TMEM108: variants seen among roughly 807,000 people sequenced by gnomAD.
TMEM108 encodes the protein transmembrane protein 108, also known as cancer/testis antigen 124.
A neutral mutation model predicts 35.1 loss-of-function variants in TMEM108; 12 were observed. The observed-to-expected ratio is 0.34, with a 90% confidence interval of 0.22 to 0.55. TMEM108 has a LOEUF of 0.55. Ranked by LOEUF, TMEM108 falls within the 20% of genes least tolerant of loss-of-function variation. The pLI, the probability that TMEM108 is intolerant of heterozygous loss-of-function variation, is 0.89. For missense variants in TMEM108, 680 were observed against 753.3 expected, an observed-to-expected ratio of 0.90 and a Z score of 1.14; for synonymous variants, 287 against 308.6, an observed-to-expected ratio of 0.93 and a Z score of 0.73.
At chr3:133,283,381 C>A (rs915404893) in intron 3 of TMEM108, among the ~76,000 whole-genome samples, 2 of 152,128 alleles carry the variant, frequency 1.3e-5, no homozygotes, top group African/African-American at 4.8e-5. Context: ...GGACAAGAAC[C>A]ATCTGAAAAC....
At chr3:133,095,502 T>C (rs1199556026) in intron 2 of TMEM108, among the ~76,000 whole-genome samples, 1 of 152,118 alleles carries the variant, frequency 6.6e-6, no homozygotes, top group Non-Finnish European at 1.5e-5. Context: ...TGTTACATTG[T>C]AATATATAAT....
At chr3:133,156,316 A>G (rs1206391884) in intron 2 of TMEM108, among the ~76,000 whole-genome samples, 2 of 152,308 alleles carry the variant, frequency 1.3e-5, no homozygotes, top group East Asian at 1.9e-4. Flanking sequence ...GTGACAATAT[A>G]TCTTCAGGAA....
rs116747354 is a variant in TMEM108, at chr3:133,397,039, G to A, written c.*1053G>A. 4,494 of 152,236 alleles carry A rather than the reference G, an allele frequency of 0.03. 80 individuals are homozygous for A. Among genetic ancestry groups the A allele is most frequent in the Middle Eastern group, 0.048 (14 of 294 alleles). 9.4% of individuals were successfully genotyped at this position (152,236 alleles called of 1,614,324 possible). A position where few individuals can be genotyped will look rare whatever the true frequency, so the allele number is the denominator to read the frequency against. On this transcript the variant is annotated 3_prime_UTR_variant, in exon 6 of 6. Coordinates refer to ENST00000321871, the MANE Select transcript of TMEM108 (RefSeq NM_023943.4). ...CCTACTTGGCACTGCAAACCTGCTC[G>A]CAGCACCAGCCGGTGGACTTGCCAT...
intron 3 of TMEM108, among the ~76,000 whole-genome samples, chr3:133,267,788 A>G (rs1161854056): frequency 6.6e-6 from 1 of 152,224 alleles, no homozygotes; most frequent in African/African-American, 2.4e-5. Context: ...GTTCTTTACC[A>G]TGTGTGTCTC....
In TMEM108 at chr3:133,396,018, T is replaced by G. The variant is rs2073302013; in HGVS notation, c.*32T>G. On this transcript the variant is annotated 3_prime_UTR_variant, in exon 6 of 6. Transcript: ENST00000321871. ...CAGGCATCACTTTGCCATTCCGTAT[T>G]TTTCGTCTCTAAATTATAAATATAC... The G allele has an allele frequency of 2.0e-6, 3 of 1,484,624 alleles. No homozygotes were observed. The highest frequency in any genetic ancestry group is 3.1e-5 in the South Asian group (2 of 65,398). 92.0% of individuals were successfully genotyped at this position (1,484,624 alleles called of 1,614,324 possible). A position where few individuals can be genotyped will look rare whatever the true frequency, so the allele number is the denominator to read the frequency against.
At position 133,352,768 on chromosome 3, in the gene TMEM108, T is replaced by G. The variant is rs1606508; in HGVS notation, c.41-26984T>G. Among the ~76,000 whole-genome samples the G allele has an allele frequency of 7.2e-3, 1,097 of 152,142 alleles. 15 individuals are homozygous for G. Among genetic ancestry groups the G allele is most frequent in the African/African-American group, 0.024 (1,015 of 41,486 alleles). On this transcript the variant is annotated intron_variant, in intron 3 of 5. Transcript: ENST00000321871. ...GGGCATCCCACCCTCCTAGCACTGT[T>G]ATGTGTTCAGCAATCCAGAGGCTCT...
chr3:133,110,909 G>A (rs73007406), intron 2 of TMEM108, among the ~76,000 whole-genome samples: 2,835 of 152,278 alleles, frequency 0.019, 99 homozygotes, highest in African/African-American at 0.064. Flanking sequence ...TAATGCTGCT[G>A]GTCCAGGGAC....
intron 2 of TMEM108, among the ~76,000 whole-genome samples, chr3:133,119,988 G>A (rs1207801163): frequency 1.3e-5 from 2 of 152,150 alleles, no homozygotes; most frequent in South Asian, 2.1e-4. Context: ...GAGAAGACCT[G>A]CCTGTAAGAA....
chr3:133,168,527 A>G (rs1403089982), intron 2 of TMEM108, among the ~76,000 whole-genome samples: 1 of 151,960 alleles, frequency 6.6e-6, no homozygotes, highest in East Asian at 1.9e-4. Flanking sequence ...CTGTCTAGCT[A>G]AAGGATTGTA....
Position 133,215,980 on chromosome 3 carries a change from G to A in TMEM108, c.-46-13286G>A, listed in dbSNP as rs953618793. Among the ~76,000 whole-genome samples the A allele has an allele frequency of 2.0e-4, 31 of 151,858 alleles. 1 individual carries two copies. Among genetic ancestry groups the A allele is most frequent in the African/African-American group, 7.3e-5 (3 of 41,316 alleles). On this transcript the variant is annotated intron_variant, in intron 2 of 5. Transcript: ENST00000321871. ...TTTTCATATATCATTGGGCCTACTC[G>A]TGTGCCAATATCAAATGCTTTATAG...
chr3:133,127,513 A>G (rs1365991521), intron 2 of TMEM108, among the ~76,000 whole-genome samples: 1 of 152,182 alleles, frequency 6.6e-6, no homozygotes, highest in Non-Finnish European at 1.5e-5. Flanking sequence ...CATTCAGGCT[A>G]TATTAGAACC....
At chr3:133,181,905 A>T (rs1945351396) in intron 2 of TMEM108, among the ~76,000 whole-genome samples, 1 of 152,224 alleles carries the variant, frequency 6.6e-6, no homozygotes, top group Admixed American at 6.5e-5. Context: ...TAGGCCCTGA[A>T]AATTTGAAGA....
intron 3 of TMEM108, among the ~76,000 whole-genome samples, chr3:133,267,355 C>T (rs141632635): frequency 1.3e-4 from 20 of 152,224 alleles, no homozygotes; most frequent in Admixed American, 4.6e-4. Context: ...GGCAGCCCAG[C>T]GGAGAGGCGT....
intron 3 of TMEM108, among the ~76,000 whole-genome samples, chr3:133,375,539 A>T (rs1414539210): frequency 4.6e-5 from 7 of 152,236 alleles, no homozygotes; most frequent in Non-Finnish European, 7.3e-5. Flanking sequence ...GGGAGTGTGT[A>T]GTCCAGCACA....
At chr3:133,302,756 A>T (rs1228283479) in intron 3 of TMEM108, among the ~76,000 whole-genome samples, 1 of 151,988 alleles carries the variant, frequency 6.6e-6, no homozygotes, top group Non-Finnish European at 1.5e-5. Context: ...TCTCAGTTTA[A>T]TATTACAGTA....
chr3:133,394,120 G>T (rs1489797156), intron 5 of TMEM108, among the ~76,000 whole-genome samples: 1 of 152,210 alleles, frequency 6.6e-6, no homozygotes, highest in East Asian at 1.9e-4. Flanking sequence ...AGGCAGCCTA[G>T]GGCCAGGATG....
intron 2 of TMEM108, among the ~76,000 whole-genome samples, chr3:133,199,930 T>C (rs915664407): frequency 2.6e-5 from 4 of 152,162 alleles, no homozygotes; most frequent in African/African-American, 9.7e-5. Context: ...TCGAGCTTCA[T>C]GGCTGCTTTG....
intron 3 of TMEM108, among the ~76,000 whole-genome samples, chr3:133,254,812 G>T (rs918218896): frequency 2.0e-5 from 3 of 152,230 alleles, no homozygotes; most frequent in Non-Finnish European, 4.4e-5. Context: ...TAGGAAGAAT[G>T]ATTTGTCTCT....
chr3:133,073,484 T>TTCTCTCTCTCTC lies in TMEM108; in HGVS notation c.-47+27480_-47+27491dup, dbSNP rs371623398. Among the ~76,000 whole-genome samples the TTCTCTCTCTCTC allele has an allele frequency of 2.3e-3, 128 of 55,586 alleles. 5 individuals carry two copies. Among genetic ancestry groups the TTCTCTCTCTCTC allele is most frequent in the South Asian group, 4.0e-3 (7 of 1,730 alleles). 36.5% of individuals were successfully genotyped at this position (55,586 alleles called of 152,430 possible). ...TTTTTTAAGGCTGAATAGTATTCTATTCTCTCTCTCTCTCTCTCTCTCTCT... is the reference window on the plus strand; with the variant it reads ...TTTTTTAAGGCTGAATAGTATTCTATTCTCTCTCTCTCTCTCTCTCTCTCTCTCTCTCTCTCT... On this transcript the variant is annotated intron_variant, in intron 2 of 5. Transcript: ENST00000321871.
Sources: gnomAD v4.1 joint callset for allele counts (sites outside exome capture counted in the v4.1 genomes callset) on GRCh38, gnomAD v4.1.1 for gene constraint, MANE v1.5 for transcripts, NCBI Gene and HGNC (gene_info 2026-07-23, HGNC 2026-07-21) for gene names.